SORCS2: variants seen among roughly 807,000 people sequenced by gnomAD.
SORCS2 encodes sortilin related VPS10 domain containing receptor 2.
In SORCS2, 100 loss-of-function variants were observed where a neutral mutation model predicts 141.6. That is an observed-to-expected ratio of 0.71 (90% CI 0.60 to 0.83). The LOEUF is 0.83. Ranked by LOEUF, SORCS2 falls within the 40% of genes least tolerant of loss-of-function variation. The probability of loss-of-function intolerance (pLI) is 0.00; values close to 1 mark genes in which losing one functional copy is unlikely to be tolerated. For synonymous variants in SORCS2, 789 were observed against 676.9 expected (o/e 1.17, Z -2.57); for missense variants, 1,646 against 1,560.2 (o/e 1.05, Z -0.93).
Position 7,741,057 on chromosome 4 carries a change from C to T in SORCS2, c.*793C>T. 1 of 398,880 alleles carries T rather than the reference C, an allele frequency of 2.5e-6. No homozygotes were observed. The allele number at this position is 398,880 out of a possible 1,614,324, so 24.7% of individuals were successfully genotyped here. ...GCCCATGGTTCCTCACTCCTACCAG[C>T]AAGCAGCACCATCCCGCAGGCTTCT... is the stretch of plus-strand genomic sequence containing the variant. On this transcript the variant is annotated 3_prime_UTR_variant, in exon 27 of 27. Transcript: ENST00000507866.
At chr4:7,601,596 G>T (rs1717672324) in intron 3 of SORCS2, among the ~76,000 whole-genome samples, 3 of 127,152 alleles carry the variant, frequency 2.4e-5, no homozygotes, top group African/African-American at 9.7e-5. Flanking sequence ...TCTAGCCTGG[G>T]CGACAAAGCA....
At chr4:7,283,009 A>C (rs1168034689) in intron 1 of SORCS2, among the ~76,000 whole-genome samples, 1 of 152,082 alleles carries the variant, frequency 6.6e-6, no homozygotes, top group African/African-American at 2.4e-5. Context: ...TAATTCACTC[A>C]TTCACCCATT....
chr4:7,331,195 T>G (rs1719634646), intron 1 of SORCS2, among the ~76,000 whole-genome samples: 1 of 151,026 alleles, frequency 6.6e-6, no homozygotes, highest in African/African-American at 2.4e-5. Flanking sequence ...CATAGAGGAG[T>G]CTGGGTTTCA....
At position 7,531,550 on chromosome 4, in the gene SORCS2, C is replaced by G; in HGVS notation, c.569C>G (p.Ser190Cys). ...SLWRSSDFGT[S>C]YTKLTLQPGV... ...CCCAGGTCATCAGATTTCGGGACGT[C>G]CTACACCAAGCTCACCCTCCAGCCT... Residue 190 changes from serine (S) to cysteine (C), a missense_variant, in exon 3 of 27, where the codon TCC (serine) becomes TGC (cysteine). Physicochemically the swap from Ser to Cys is moderately radical, Grantham distance 112. Coordinates refer to ENST00000507866, the MANE Select transcript of SORCS2 (RefSeq NM_020777.3). 1 of 1,613,880 alleles carries G rather than the reference C, an allele frequency of 6.2e-7. No individual in the cohort carries two copies. The highest frequency in any genetic ancestry group is 2.2e-5 in the East Asian group (1 of 44,884).
intron 2 of SORCS2, among the ~76,000 whole-genome samples, chr4:7,461,319 C>A (rs1019097913): frequency 2.0e-5 from 3 of 152,178 alleles, no homozygotes; most frequent in Admixed American, 6.5e-5. Flanking sequence ...GCCCTCCTTC[C>A]CCTCTGCCTT....
intron 1 of SORCS2, among the ~76,000 whole-genome samples, chr4:7,373,478 A>ATATATATATATATCTTTTTTTTTT (rs1470691140): frequency 2.7e-5 from 1 of 36,824 alleles, no homozygotes; most frequent in Non-Finnish European, 4.1e-5. Flanking sequence ...ATATATATAT[A>ATATATATATATATCTTTTTTTTTT]TTTTTTTTTT....
chr4:7,590,629 G>A (rs529631021), intron 3 of SORCS2, among the ~76,000 whole-genome samples: 54 of 152,350 alleles, frequency 3.5e-4, no homozygotes, highest in Middle Eastern at 3.4e-3. Flanking sequence ...TGTGGAAACT[G>A]AGGCCCAGAG....
rs555984877 is a variant in SORCS2, at chr4:7,424,844, G to T, written c.548+28489G>T. Among the ~76,000 whole-genome samples the T allele has an allele frequency of 2.0e-5, 3 of 152,310 alleles. No homozygotes were observed. The East Asian group carries it at 5.8e-4, about 30-fold the overall frequency. On this transcript the variant is annotated intron_variant, in intron 2 of 26. Transcript: ENST00000507866. ...GGCTGCCCAGTGAGTGCGTGTTGGG[G>T]CCTGCCCTAAAATCAAGGCCTGAGG...
At chr4:7,236,642 C>T (rs1029118896) in intron 1 of SORCS2, among the ~76,000 whole-genome samples, 1 of 152,162 alleles carries the variant, frequency 6.6e-6, no homozygotes. Context: ...AGTGCAGTGG[C>T]ACAATCTCGG....
At chr4:7,307,370 C>G (rs1717900586) in intron 1 of SORCS2, among the ~76,000 whole-genome samples, 1 of 152,256 alleles carries the variant, frequency 6.6e-6, no homozygotes, top group South Asian at 2.1e-4. Flanking sequence ...AAAGCAGCCC[C>G]TTGGATGTGT....
intron 2 of SORCS2, chr4:7,460,171 C>G (rs1388299944): frequency 1.9e-5 from 3 of 154,916 alleles, no homozygotes; most frequent in African/African-American, 7.2e-5. Context: ...CCCCCGCTCC[C>G]CACCCAGCGT....
At chr4:7,485,766 G>T (rs1730941525) in intron 2 of SORCS2, among the ~76,000 whole-genome samples, 1 of 152,200 alleles carries the variant, frequency 6.6e-6, no homozygotes, top group Non-Finnish European at 1.5e-5. Context: ...CCCACTGTGG[G>T]CCCAGGGGAG....
At chr4:7,446,535 G>T (rs924220792) in intron 2 of SORCS2, among the ~76,000 whole-genome samples, 1 of 152,190 alleles carries the variant, frequency 6.6e-6, no homozygotes, top group Non-Finnish European at 1.5e-5. Context: ...CTGCTGAGGG[G>T]CTGCCTCTGC....
chr4:7,708,507 G>A (rs1475051837), intron 14 of SORCS2, among the ~76,000 whole-genome samples: 1 of 152,162 alleles, frequency 6.6e-6, no homozygotes, highest in Non-Finnish European at 1.5e-5. Context: ...GTGTGTTCTC[G>A]ATGGCATGCG....
intron 2 of SORCS2, among the ~76,000 whole-genome samples, chr4:7,399,441 C>T (rs555096006): frequency 2.6e-5 from 4 of 152,152 alleles, no homozygotes; most frequent in South Asian, 2.1e-4. Flanking sequence ...GAAAGTGGCT[C>T]GAAGCTGAAT....
chr4:7,291,478 C>T (rs1012877186), intron 1 of SORCS2, among the ~76,000 whole-genome samples: 8 of 152,172 alleles, frequency 5.3e-5, no homozygotes, highest in South Asian at 2.1e-4. Context: ...GGTTCTGGCT[C>T]GGTGGTGGAT....
intron 1 of SORCS2, among the ~76,000 whole-genome samples, chr4:7,316,551 C>T (rs1365924219): frequency 5.3e-5 from 8 of 152,184 alleles, no homozygotes; most frequent in African/African-American, 1.9e-4. Flanking sequence ...ACTGGCATCA[C>T]GACCCTGGAC....
intron 18 of SORCS2, 54 bp from the exon 19 acceptor site, chr4:7,723,643 G>A (rs1025811288): frequency 1.2e-5 from 19 of 1,587,058 alleles, no homozygotes; most frequent in Admixed American, 1.7e-5. Context: ...GAACCACTCT[G>A]GCCCCTCAGC....
At position 7,193,127 on chromosome 4, in the gene SORCS2, G is replaced by A. The variant is rs1726949160; in HGVS notation, c.480+1G>A. On this transcript the variant is annotated splice_donor_variant, in intron 1 of 26. Coordinates refer to ENST00000507866, the MANE Select transcript of SORCS2 (RefSeq NM_020777.3). LOFTEE classifies it high-confidence loss of function. This position sits in a 1 kb window ranked among gnomAD's most constrained non-coding sequence, Gnocchi z 4.8. ...GCACTGGACGGGCGAGAACAGCAGC[G>A]TAAGTGACCTCCACGCGCTCGCCGC... 1 of 1,528,380 alleles carries A rather than the reference G, an allele frequency of 6.5e-7. No individual in the cohort carries two copies. The highest frequency in any genetic ancestry group is 8.7e-7 in the Non-Finnish European group (1 of 1,148,102). The allele number at this position is 1,528,380 out of a possible 1,614,324, so 94.7% of individuals were successfully genotyped here. A position where few individuals can be genotyped will look rare whatever the true frequency, so the allele number is the denominator to read the frequency against.
Sources: gnomAD v4.1 joint callset for allele counts (sites outside exome capture counted in the v4.1 genomes callset) on GRCh38, gnomAD v4.1.1 for gene constraint, Gnocchi (gnomAD v3.1) non-coding constraint, MANE v1.5 for transcripts, NCBI Gene and HGNC (gene_info 2026-07-23, HGNC 2026-07-21) for gene names.